Variants in NRXN1 observed in about 807,000 individuals in gnomAD.
The protein encoded by NRXN1 is neurexin-1.
Under a neutral mutation model 150.9 loss-of-function variants are expected in NRXN1, and 39 were observed. The ratio of observed to expected loss-of-function variants is 0.26; its 90% CI spans 0.20 to 0.34. The LOEUF (loss-of-function observed/expected upper bound fraction) is 0.34, where lower values mean the gene tolerates loss of function less well. Among genes scored for constraint, NRXN1 ranks in the 10% least tolerant of loss-of-function variants. The probability of loss-of-function intolerance (pLI) is 1.00; values close to 1 mark genes in which losing one functional copy is unlikely to be tolerated. For synonymous variants in NRXN1, 924 were observed against 757.0 expected (o/e 1.22, Z -3.62); for missense variants, 1,815 against 1,949.9 (o/e 0.93, Z 1.30).
chr2:50,239,707 T>G, intron 17 of NRXN1, among the ~76,000 whole-genome samples: 1 of 95,872 alleles, frequency 1.0e-5, no homozygotes, highest in Non-Finnish European at 2.1e-5. Context: ...TATATATATA[T>G]ATATATATTT....
chr2:50,830,006 A>AGG (rs1671184985), intron 5 of NRXN1, among the ~76,000 whole-genome samples: 1 of 56,802 alleles, frequency 1.8e-5, no homozygotes, highest in Non-Finnish European at 5.6e-5. Context: ...CTGGAAAAAA[A>AGG]AAAAAAAAAA....
At chr2:50,358,988 C>T (rs2079007643) in intron 17 of NRXN1, among the ~76,000 whole-genome samples, 1 of 152,050 alleles carries the variant, frequency 6.6e-6, no homozygotes, top group Admixed American at 6.6e-5. Context: ...CTGCAGAAGA[C>T]TGTTAGAAGG....
At chr2:50,145,353 A>G (rs1707849678) in intron 18 of NRXN1, among the ~76,000 whole-genome samples, 1 of 151,666 alleles carries the variant, frequency 6.6e-6, no homozygotes, top group South Asian at 2.1e-4. Flanking sequence ...ATGGTGAATT[A>G]CATACATCAT....
At chr2:50,315,426 T>C (rs1231166381) in intron 17 of NRXN1, among the ~76,000 whole-genome samples, 1 of 152,152 alleles carries the variant, frequency 6.6e-6, no homozygotes, top group African/African-American at 2.4e-5. Context: ...ATGGAATCTA[T>C]AAGCATTACA....
chr2:50,116,526 C>T (rs927059195), intron 18 of NRXN1, among the ~76,000 whole-genome samples: 2 of 152,036 alleles, frequency 1.3e-5, no homozygotes, highest in Admixed American at 6.6e-5. Flanking sequence ...GGTCAGCTCT[C>T]TGCTTAAAAA....
chr2:50,564,263 G>A (rs1195209612), intron 8 of NRXN1, among the ~76,000 whole-genome samples: 1 of 152,138 alleles, frequency 6.6e-6, no homozygotes, highest in Non-Finnish European at 1.5e-5. Flanking sequence ...TAAATAAAGG[G>A]TAGTCATTAC....
chr2:50,358,047 C>A (rs1572666800), intron 17 of NRXN1, among the ~76,000 whole-genome samples: 1 of 152,120 alleles, frequency 6.6e-6, no homozygotes, highest in East Asian at 1.9e-4. Flanking sequence ...TGCTATCCAG[C>A]CCACGCACTA....
chr2:50,068,645 C>T (rs1695737149), intron 19 of NRXN1, among the ~76,000 whole-genome samples: 1 of 152,168 alleles, frequency 6.6e-6, no homozygotes, highest in Non-Finnish European at 1.5e-5. Context: ...TCTCTTAGCA[C>T]AATGCCTGGC....
intron 5 of NRXN1, among the ~76,000 whole-genome samples, chr2:50,830,031 G>C (rs1032438317): frequency 1.1e-4 from 5 of 46,938 alleles, no homozygotes; most frequent in African/African-American, 6.0e-4. Context: ...AAAAAAAAAA[G>C]CTCATTTCTT....
intron 15 of NRXN1, among the ~76,000 whole-genome samples, chr2:50,485,518 C>A (rs1023351005): frequency 6.6e-6 from 1 of 152,118 alleles, no homozygotes; most frequent in African/African-American, 2.4e-5. Flanking sequence ...GCACCCGACA[C>A]GCTGAGAAAA....
At chr2:50,114,898 A>C (rs1384062593) in intron 18 of NRXN1, among the ~76,000 whole-genome samples, 4 of 151,986 alleles carry the variant, frequency 2.6e-5, no homozygotes, top group Admixed American at 1.3e-4. Context: ...GAGGATTTTT[A>C]GGGCAATGAA....
intron 21 of NRXN1, among the ~76,000 whole-genome samples, chr2:49,954,458 T>C (rs1038424146): frequency 4.6e-5 from 7 of 152,148 alleles, no homozygotes; most frequent in Admixed American, 1.3e-4. Context: ...ACCTGATTTA[T>C]TTTATCACTG....
Position 50,561,635 on chromosome 2 carries a change from C to G in NRXN1, c.1321-8610G>C, listed in dbSNP as rs796286470. 2.0e-5 allele frequency among the ~76,000 whole-genome samples: 3 copies of G among 152,106 alleles called. No individual in the cohort carries two copies. The East Asian group carries it at 5.8e-4, about 29-fold the overall frequency. ...TGAAATGCTCTTAAGCAATTACAAA[C>G]GAAGAGCAGCCCACTTTTTAGCAAC... On this transcript the variant is annotated intron_variant, in intron 8 of 22. Coordinates refer to ENST00000401669, the MANE Select transcript of NRXN1 (RefSeq NM_001330078.2).
chr2:49,985,298 C>T (rs958998329), intron 21 of NRXN1, among the ~76,000 whole-genome samples: 8 of 152,024 alleles, frequency 5.3e-5, no homozygotes, highest in Admixed American at 1.3e-4. Flanking sequence ...TTTGATTCTA[C>T]GATTCAATAA....
chr2:50,304,185 G>C (rs2074410197), intron 17 of NRXN1, among the ~76,000 whole-genome samples: 1 of 151,962 alleles, frequency 6.6e-6, no homozygotes, highest in Non-Finnish European at 1.5e-5. Context: ...TATCTATTCT[G>C]GGCACACCGA....
intron 17 of NRXN1, among the ~76,000 whole-genome samples, chr2:50,259,776 A>C (rs1279042764): frequency 6.6e-6 from 1 of 151,908 alleles, no homozygotes; most frequent in African/African-American, 2.4e-5. Context: ...AACAGGTTTC[A>C]CTATACTATA....
At position 50,506,542 on chromosome 2, in the gene NRXN1, C is replaced by A. The variant is rs201873057; in HGVS notation, c.2450G>T (p.Arg817Leu). ...CACTGTTAACTTTAAACTTTTTCCA[C>A]GCCGAACTACACGCACTGTGTGCCA... is the stretch of plus-strand genomic sequence containing the variant. ...NEWHTVRVVR[R>L]GKSLKLTVDD... Residue 817 changes from arginine (R) to leucine (L), a missense_variant, in exon 13 of 23, where the codon CGT becomes CTT. Physicochemically the swap from Arg to Leu is moderately radical, Grantham distance 102. Coordinates refer to ENST00000401669, the MANE Select transcript of NRXN1 (RefSeq NM_001330078.2). 5 of 1,613,116 alleles carry A rather than the reference C, an allele frequency of 3.1e-6. No homozygotes were observed. Among genetic ancestry groups the A allele is most frequent in the Non-Finnish European group, 4.2e-6 (5 of 1,179,432 alleles).
intron 15 of NRXN1, among the ~76,000 whole-genome samples, chr2:50,483,302 C>G (rs2090616651): frequency 6.6e-6 from 1 of 152,074 alleles, no homozygotes; most frequent in African/African-American, 2.4e-5. Context: ...CTGGAAAACT[C>G]ATGAATAATC....
chr2:50,961,785 G>A (rs1258536506), intron 2 of NRXN1, among the ~76,000 whole-genome samples: 1 of 151,368 alleles, frequency 6.6e-6, no homozygotes, highest in East Asian at 1.9e-4. Context: ...GTTGAATCAG[G>A]GTCAACAAGG....
Sources: allele counts gnomAD v4.1 joint callset (sites outside exome capture counted in the v4.1 genomes callset), GRCh38; gene constraint gnomAD v4.1.1; transcripts MANE v1.5; gene names NCBI Gene and HGNC (gene_info 2026-07-23, HGNC 2026-07-21).